The following BTF3L4 variants were observed in gnomAD, a reference collection of about 807,000 sequenced individuals.
BTF3L4 encodes basic transcription factor 3 like 4.
Under a neutral mutation model 16.8 loss-of-function variants are expected in BTF3L4, and 6 were observed. The ratio of observed to expected loss-of-function variants is 0.36; its 90% CI spans 0.20 to 0.71. The LOEUF (loss-of-function observed/expected upper bound fraction) is 0.71, where lower values mean the gene tolerates loss of function less well. Among genes scored for constraint, BTF3L4 ranks in the 30% least tolerant of loss-of-function variants. The pLI, the probability that BTF3L4 is intolerant of heterozygous loss-of-function variation, is 0.58. For synonymous variants in BTF3L4, 39 were observed against 59.8 expected (o/e 0.65, Z 1.60); for missense variants, 92 against 186.9 (o/e 0.49, Z 2.96).
At chr1:52,057,272 G>A (rs932345830) in intron 1 of BTF3L4, among the ~76,000 whole-genome samples, 1 of 152,226 alleles carries the variant, frequency 6.6e-6, no homozygotes, top group African/African-American at 2.4e-5. Flanking sequence ...TAAACATGAT[G>A]TATGTGAAAG....
intron 2 of BTF3L4, among the ~76,000 whole-genome samples, chr1:52,063,430 AG>A (rs1686569280): frequency 6.6e-6 from 1 of 152,116 alleles, no homozygotes. Context: ...CTAGATTTCA[AG>A]GCATCCTCTG....
intron 2 of BTF3L4, among the ~76,000 whole-genome samples, chr1:52,063,600 C>A (rs1686573869): frequency 6.6e-6 from 1 of 152,138 alleles, no homozygotes; most frequent in Non-Finnish European, 1.5e-5. Context: ...AAAGATTTAA[C>A]CCTCAAGACT....
Position 52,087,639 on chromosome 1 carries a change from T to C in BTF3L4, c.*881T>C, listed in dbSNP as rs1643984255. ...TTTATTTCTCCCTGATGTTACAGTTTGGTAGATTTCAAACTGGAATAGCTA... is the reference window on the plus strand; with the variant it reads ...TTTATTTCTCCCTGATGTTACAGTTCGGTAGATTTCAAACTGGAATAGCTA... On this transcript the variant is annotated 3_prime_UTR_variant, in exon 6 of 6. Transcript: ENST00000313334. 1 of 152,262 alleles carries C rather than the reference T, an allele frequency of 6.6e-6. No individual in the cohort carries two copies. The highest frequency in any genetic ancestry group is 2.4e-5 in the African/African-American group (1 of 41,466). 9.4% of individuals were successfully genotyped at this position (152,262 alleles called of 1,614,324 possible). A position where few individuals can be genotyped will look rare whatever the true frequency, so the allele number is the denominator to read the frequency against.
chr1:52,077,952 A>G (rs967310324), intron 3 of BTF3L4, among the ~76,000 whole-genome samples: 3 of 152,212 alleles, frequency 2.0e-5, no homozygotes, highest in African/African-American at 4.8e-5. Context: ...AAGTCAGGCT[A>G]AAGATACAGC....
rs67186641 is a variant in BTF3L4 at position 52,061,635 on chromosome 1, CTTT to C, written c.54+1754_54+1756del. Among the ~76,000 whole-genome samples the C allele has an allele frequency of 5.7e-3, 371 of 65,032 alleles. 1 individual carries two copies. Among genetic ancestry groups the C allele is most frequent in the African/African-American group, 0.015 (258 of 17,152 alleles). The allele number at this position is 65,032 out of a possible 152,430, so 42.7% of individuals were successfully genotyped here. A position where few individuals can be genotyped will look rare whatever the true frequency, so the allele number is the denominator to read the frequency against. Reference sequence around the variant, plus strand: ...CTTGCTTTAATATGGTACAGCTATTCTTTTTTTTTTTTTTTTTTTTTTGAGACG... The same window carrying C: ...CTTGCTTTAATATGGTACAGCTATTCTTTTTTTTTTTTTTTTTTTGAGACG... On this transcript the variant is annotated intron_variant, in intron 2 of 5. Transcript: ENST00000313334.
chr1:52,073,784 G>C (rs1371450980), intron 3 of BTF3L4, among the ~76,000 whole-genome samples: 2 of 151,186 alleles, frequency 1.3e-5, no homozygotes, highest in African/African-American at 2.4e-5. Context: ...TGGATCATGA[G>C]GTCAGGAGTT....
At chr1:52,078,970 A>G (rs973631140) in intron 3 of BTF3L4, among the ~76,000 whole-genome samples, 4 of 152,178 alleles carry the variant, frequency 2.6e-5, no homozygotes, top group Non-Finnish European at 5.9e-5. Flanking sequence ...TATTGTACAT[A>G]TATTATATGG....
intron 3 of BTF3L4, among the ~76,000 whole-genome samples, chr1:52,080,709 TTTTTA>T (rs1236038283): frequency 4.6e-5 from 7 of 151,744 alleles, no homozygotes; most frequent in Non-Finnish European, 4.4e-5. Flanking sequence ...AATTTTTGTA[TTTTTA>T]GTAGAGACAG....
intron 3 of BTF3L4, among the ~76,000 whole-genome samples, chr1:52,073,654 ACCAG>A (rs1686855614): frequency 1.5e-5 from 2 of 137,610 alleles, no homozygotes. Context: ...GGAGTTTGAG[ACCAG>A]CCTAGGTAAC....
At chr1:52,069,721 A>C (rs1490026783) in intron 3 of BTF3L4, among the ~76,000 whole-genome samples, 1 of 152,194 alleles carries the variant, frequency 6.6e-6, no homozygotes, top group Non-Finnish European at 1.5e-5. Context: ...GAAAGTGCTC[A>C]GTTTAGGGAG....
chr1:52,074,676 T>G (rs1330217131), intron 3 of BTF3L4, among the ~76,000 whole-genome samples: 1 of 149,874 alleles, frequency 6.7e-6, no homozygotes, highest in Non-Finnish European at 1.5e-5. Flanking sequence ...ACCCAGCTAA[T>G]TTTTGAATTT....
chr1:52,067,942 T>C (rs1210148589), intron 3 of BTF3L4, among the ~76,000 whole-genome samples: 1 of 152,184 alleles, frequency 6.6e-6, no homozygotes, highest in Non-Finnish European at 1.5e-5. Flanking sequence ...GATTGCCATG[T>C]ATACGTACCT....
chr1:52,060,022 C>A, intron 2 of BTF3L4, 121 bp downstream of exon 2: 1 of 913,220 alleles, frequency 1.1e-6, no homozygotes, highest in Non-Finnish European at 1.6e-6. Context: ...AAACCACATT[C>A]CAATTTGAAA....
chr1:52,063,130 G>T (rs189317296), intron 2 of BTF3L4, among the ~76,000 whole-genome samples: 1 of 152,220 alleles, frequency 6.6e-6, no homozygotes, highest in Admixed American at 6.5e-5. Flanking sequence ...TTTAGGAGTT[G>T]GAATTGACAC....
intron 3 of BTF3L4, among the ~76,000 whole-genome samples, chr1:52,076,203 G>C (rs2124436165): frequency 6.6e-6 from 1 of 152,220 alleles, no homozygotes; most frequent in East Asian, 1.9e-4. Flanking sequence ...TTGAACCCAG[G>C]AGGTGCAGGT....
intron 3 of BTF3L4, among the ~76,000 whole-genome samples, chr1:52,077,358 A>G (rs891734149): frequency 3.9e-5 from 6 of 152,098 alleles, no homozygotes; most frequent in African/African-American, 9.7e-5. Flanking sequence ...CCTGGCCAAC[A>G]TGGCGAAACC....
At chr1:52,078,730 C>G (rs890241635) in intron 3 of BTF3L4, among the ~76,000 whole-genome samples, 1 of 152,118 alleles carries the variant, frequency 6.6e-6, no homozygotes, top group Admixed American at 6.6e-5. Flanking sequence ...AACTACTATA[C>G]ACATCAGTAT....
intron 3 of BTF3L4, among the ~76,000 whole-genome samples, chr1:52,067,766 T>C (rs1457937737): frequency 6.6e-6 from 1 of 152,200 alleles, no homozygotes; most frequent in East Asian, 1.9e-4. Context: ...CTTCAACTCC[T>C]CTGCCCCCCA....
chr1:52,066,715 G>A (rs554699645), intron 3 of BTF3L4, among the ~76,000 whole-genome samples: 14 of 151,482 alleles, frequency 9.2e-5, no homozygotes, highest in East Asian at 3.9e-4. Flanking sequence ...GCATGGTGGC[G>A]GGCACCTGTA....
Sources: allele counts gnomAD v4.1 joint callset (sites outside exome capture counted in the v4.1 genomes callset), GRCh38; gene constraint gnomAD v4.1.1; transcripts MANE v1.5; gene names NCBI Gene and HGNC (gene_info 2026-07-23, HGNC 2026-07-21).